Variants in RPS6KA2 observed in about 807,000 individuals in gnomAD.
RPS6KA2 encodes the protein ribosomal protein S6 kinase alpha-2.
RPS6KA2 carries 42 observed loss-of-function variants against 91.8 expected under a neutral mutation model. The observed-to-expected ratio is 0.46, with a 90% CI of 0.36 to 0.59. The LOEUF is 0.59. Ranked by LOEUF, RPS6KA2 falls within the 20% of genes least tolerant of loss-of-function variation. The pLI is 0.00. For synonymous variants in RPS6KA2, 414 were observed against 393.6 expected, an observed-to-expected ratio of 1.05 and a Z score of -0.61; for missense variants, 798 against 978.5, an observed-to-expected ratio of 0.82 and a Z score of 2.46.
intron 10 of RPS6KA2, among the ~76,000 whole-genome samples, chr6:166,472,792 G>A (rs953931231): frequency 2.6e-5 from 4 of 152,204 alleles, no homozygotes; most frequent in African/African-American, 7.2e-5. Flanking sequence ...ACGGGATGCG[G>A]ATGACACGCA....
chr6:166,471,075 T>A (rs772608031), intron 10 of RPS6KA2, among the ~76,000 whole-genome samples: 1 of 152,166 alleles, frequency 6.6e-6, no homozygotes, highest in Non-Finnish European at 1.5e-5. Context: ...GCAAGCTGTG[T>A]TCCTTTCCGC....
At chr6:166,536,702 T>C (rs16899091) in intron 2 of RPS6KA2, among the ~76,000 whole-genome samples, 6,342 of 152,248 alleles carry the variant, frequency 0.042, 421 homozygotes, top group African/African-American at 0.14. Flanking sequence ...CAGGCATTAC[T>C]GGAGCTGGCC....
intron 2 of RPS6KA2, among the ~76,000 whole-genome samples, chr6:166,646,073 T>C (rs1383896729): frequency 1.3e-5 from 2 of 152,198 alleles, no homozygotes; most frequent in African/African-American, 2.4e-5. Flanking sequence ...GCTCCTATTG[T>C]TAGGGAATTT....
rs1336310091 is a variant in RPS6KA2 at position 166,510,552 on chromosome 6, CTCATATATATATATATATAT to C, written c.299-215_299-196del. On this transcript the variant is annotated intron_variant, in intron 3 of 20. Coordinates refer to ENST00000265678, the MANE Select transcript of RPS6KA2 (RefSeq NM_021135.6). ...GTTTTAATACATTTGCTTTCTCTCT[CTCATATATATATATATATAT>C]ATATATATATATATATATATATATA... is the stretch of plus-strand genomic sequence containing the variant. Among the ~76,000 whole-genome samples the C allele has an allele frequency of 1.1e-3, 70 of 66,524 alleles. 2 individuals carry two copies. Among genetic ancestry groups the C allele is most frequent in the African/African-American group, 3.7e-3 (68 of 18,272 alleles). The allele number at this position is 66,524 out of a possible 152,430, so 43.6% of individuals were successfully genotyped here.
rs71032871 is a variant in RPS6KA2 at position 166,641,719 on chromosome 6, C to CAA, written c.124-102937_124-102936dup. On this transcript the variant is annotated intron_variant, in intron 2 of 21. Transcript: ENST00000503859. ...TGGGTAAAAGAGTGAGACTCTGTCA[C>CAA]AAAAAAAAAAAAAAAAAAAAAAAAA... 4.6e-3 allele frequency among the ~76,000 whole-genome samples: 132 copies of CAA among 28,538 alleles called. 24 individuals are homozygous for CAA. The highest frequency in any genetic ancestry group is 6.9e-3 in the Non-Finnish European group (89 of 12,972). The allele number at this position is 28,538 out of a possible 152,430, so 18.7% of individuals were successfully genotyped here.
intron 1 of RPS6KA2, chr6:166,586,120 A>G (rs1197591972): frequency 7.0e-7 from 1 of 1,438,042 alleles, no homozygotes; most frequent in East Asian, 2.4e-5. Flanking sequence ...CAACATTTCT[A>G]TCAGTAGTAA....
upstream of RPS6KA2, among the ~76,000 whole-genome samples, chr6:166,630,586 T>C (rs546816992): frequency 6.6e-6 from 1 of 152,300 alleles, no homozygotes; most frequent in African/African-American, 2.4e-5. Context: ...AAGTCGTGCT[T>C]TTCCGGAGTA....
chr6:166,679,834 G>A (rs762915711), intron 2 of RPS6KA2, among the ~76,000 whole-genome samples: 85 of 152,228 alleles, frequency 5.6e-4, no homozygotes, highest in Non-Finnish European at 9.8e-4. Flanking sequence ...AGCGCGGCTC[G>A]GCAAGCCCCG....
At chr6:166,797,254 A>G (rs1489829922) in intron 2 of RPS6KA2, among the ~76,000 whole-genome samples, 2 of 152,062 alleles carry the variant, frequency 1.3e-5, no homozygotes, top group African/African-American at 4.8e-5. Context: ...GGGGCAAGGC[A>G]CACCTCACAA....
intron 11 of RPS6KA2, among the ~76,000 whole-genome samples, chr6:166,462,547 C>T (rs111737687): frequency 1.3e-5 from 2 of 152,186 alleles, no homozygotes; most frequent in South Asian, 2.1e-4. Context: ...AGTCAGGTCC[C>T]GGTTCCCTCC....
chr6:166,425,157 T>C (rs1486609406), intron 16 of RPS6KA2, among the ~76,000 whole-genome samples: 1 of 152,250 alleles, frequency 6.6e-6, no homozygotes, highest in African/African-American at 2.4e-5. Flanking sequence ...CCTCATCTTC[T>C]GTTAGTTTCC....
intron 2 of RPS6KA2, among the ~76,000 whole-genome samples, chr6:166,689,115 C>T (rs1789119311): frequency 2.6e-5 from 4 of 152,282 alleles, no homozygotes; most frequent in Admixed American, 2.6e-4. Flanking sequence ...AGGGCTCTGG[C>T]CGCCCTGTGC....
At chr6:166,753,556 C>G (rs1317486025) in intron 2 of RPS6KA2, among the ~76,000 whole-genome samples, 1 of 152,150 alleles carries the variant, frequency 6.6e-6, no homozygotes, top group Non-Finnish European at 1.5e-5. Flanking sequence ...CAAACACACA[C>G]AGCAACTCGG....
At chr6:166,606,668 T>A (rs913400800) in intron 1 of RPS6KA2, among the ~76,000 whole-genome samples, 2 of 152,210 alleles carry the variant, frequency 1.3e-5, no homozygotes, top group African/African-American at 2.4e-5. Flanking sequence ...ACCCAATTTT[T>A]AAAAATGGGC....
Position 166,705,152 on chromosome 6 carries a change from CA to C in RPS6KA2, c.123+153047del, listed in dbSNP as rs144550723. ...TTCACCTCAAACATGTGAGAATCAA[CA>C]TGTCAACATGTCAATACCTCTTGCA... On this transcript the variant is annotated intron_variant, in intron 2 of 21. Coordinates refer to the RPS6KA2 transcript ENST00000503859. Among the ~76,000 whole-genome samples the C allele has an allele frequency of 1.5e-3, 236 of 152,342 alleles. 1 individual carries two copies. Among genetic ancestry groups the C allele is most frequent in the African/African-American group, 5.4e-3 (226 of 41,572 alleles).
At chr6:166,584,546 A>T (rs1403453356) in intron 1 of RPS6KA2, among the ~76,000 whole-genome samples, 2 of 152,238 alleles carry the variant, frequency 1.3e-5, no homozygotes, top group Non-Finnish European at 2.9e-5. Flanking sequence ...TAGGCCAGTT[A>T]TGTCATGACA....
chr6:166,640,585 G>A (rs1294547102), intron 2 of RPS6KA2, among the ~76,000 whole-genome samples: 2 of 152,222 alleles, frequency 1.3e-5, no homozygotes, highest in African/African-American at 4.8e-5. Context: ...GGTCACGTAT[G>A]TAGAGAGAGC....
chr6:166,560,103 G>A (rs755330759), intron 1 of RPS6KA2, among the ~76,000 whole-genome samples: 55 of 152,146 alleles, frequency 3.6e-4, no homozygotes, highest in Admixed American at 1.3e-3. Flanking sequence ...ACCACACACT[G>A]TCAGGACAGT....
At chr6:166,501,303 C>A (rs545208915) in intron 6 of RPS6KA2, among the ~76,000 whole-genome samples, 1 of 152,342 alleles carries the variant, frequency 6.6e-6, no homozygotes, top group Non-Finnish European at 1.5e-5. Context: ...GACCCAGAGC[C>A]TCGCAGATGG....
Sources: gnomAD v4.1 joint callset for allele counts (sites outside exome capture counted in the v4.1 genomes callset) on GRCh38, gnomAD v4.1.1 for gene constraint, MANE v1.5 for transcripts, NCBI Gene and HGNC (gene_info 2026-07-23, HGNC 2026-07-21) for gene names.